BRINP3: variants seen among roughly 807,000 people sequenced by gnomAD.
BRINP3 encodes the protein BMP/retinoic acid inducible neural specific 3.
A neutral mutation model predicts 71.0 loss-of-function variants in BRINP3; 19 were observed. The observed-to-expected ratio is 0.27, with a 90% CI of 0.19 to 0.39. The LOEUF is 0.39. Among genes scored for constraint, BRINP3 ranks in the 10% least tolerant of loss-of-function variants. BRINP3 has a pLI of 1.00. For synonymous variants in BRINP3, 380 were observed against 337.7 expected, an observed-to-expected ratio of 1.13 and a Z score of -1.37; for missense variants, 959 against 940.8, an observed-to-expected ratio of 1.02 and a Z score of -0.25.
At chr1:190,381,977 T>C (rs908881776) in intron 2 of BRINP3, among the ~76,000 whole-genome samples, 3 of 152,172 alleles carry the variant, frequency 2.0e-5, no homozygotes, top group Admixed American at 1.3e-4. Flanking sequence ...AAATAATCAG[T>C]GGCCAAAAAC....
chr1:190,428,442 C>G (rs983672612), intron 2 of BRINP3, among the ~76,000 whole-genome samples: 31 of 151,738 alleles, frequency 2.0e-4, no homozygotes, highest in Admixed American at 2.0e-3. Context: ...CCCAAAAAAA[C>G]TCGTATTTTT....
At chr1:190,336,840 T>TTCCTTCCTTCCTTCCTTCCC (rs1558193060) in intron 2 of BRINP3, among the ~76,000 whole-genome samples, 4 of 112,562 alleles carry the variant, frequency 3.6e-5, no homozygotes, top group African/African-American at 6.7e-5. Flanking sequence ...CCCTCCCTCC[T>TTCCTTCCTTCCTTCCTTCCC]TCCTTCCTTC....
chr1:190,144,801 T>G (rs923748851), intron 7 of BRINP3, among the ~76,000 whole-genome samples: 1 of 152,102 alleles, frequency 6.6e-6, no homozygotes, highest in Non-Finnish European at 1.5e-5. Context: ...TACTATACTC[T>G]CCATGGGAAG....
rs116108572 is a variant in BRINP3 at position 190,349,975 on chromosome 1, T to A, written c.237-68225A>T. On this transcript the variant is annotated intron_variant, in intron 2 of 7. Coordinates refer to ENST00000367462, the MANE Select transcript of BRINP3 (RefSeq NM_199051.3). ...CTTGTTCTGCTGTGATATAGAGTAG[T>A]GTTAGGGTGCAGTCAAATAGTCTTT... Among the ~76,000 whole-genome samples the A allele has an allele frequency of 6.0e-3, 908 of 152,124 alleles. 16 individuals carry two copies. The highest frequency in any genetic ancestry group is 0.02 in the African/African-American group (846 of 41,502).
At chr1:190,170,163 A>G (rs934000122) in intron 6 of BRINP3, among the ~76,000 whole-genome samples, 2 of 152,150 alleles carry the variant, frequency 1.3e-5, no homozygotes, top group Non-Finnish European at 2.9e-5. Flanking sequence ...TCTCATAATA[A>G]CCATGAGGTA....
intron 2 of BRINP3, among the ~76,000 whole-genome samples, chr1:190,294,013 C>T (rs1234597305): frequency 6.6e-6 from 1 of 151,772 alleles, no homozygotes; most frequent in Non-Finnish European, 1.5e-5. Context: ...AACATTTAGT[C>T]TATTTATATT....
chr1:190,199,167 C>G (rs1032764767), intron 6 of BRINP3, among the ~76,000 whole-genome samples: 2 of 152,128 alleles, frequency 1.3e-5, no homozygotes. Context: ...GAGAACAGCA[C>G]AGGAAACACC....
At chr1:190,218,659 CT>C (rs988469241) in intron 6 of BRINP3, among the ~76,000 whole-genome samples, 4 of 151,940 alleles carry the variant, frequency 2.6e-5, no homozygotes, top group African/African-American at 9.7e-5. Flanking sequence ...ACATGCTATG[CT>C]ATAGATCTCA....
chr1:190,172,054 T>C (rs1336617096), intron 6 of BRINP3, among the ~76,000 whole-genome samples: 4 of 151,090 alleles, frequency 2.6e-5, no homozygotes, highest in African/African-American at 9.7e-5. Context: ...TGAGCTATGA[T>C]TGCACCACTG....
chr1:190,151,180 A>T (rs952928550), intron 7 of BRINP3, among the ~76,000 whole-genome samples: 1 of 152,106 alleles, frequency 6.6e-6, no homozygotes, highest in Non-Finnish European at 1.5e-5. Flanking sequence ...TGATGTTCAG[A>T]TTCCTATTTA....
At chr1:190,234,567 G>A (rs982208807) in intron 4 of BRINP3, 90 bp from the exon 5 acceptor site, 14 of 900,294 alleles carry the variant, frequency 1.6e-5, no homozygotes, top group African/African-American at 1.6e-5. Flanking sequence ...AATATTATAC[G>A]TTTGACAGTA....
At chr1:190,322,504 G>C (rs939368925) in intron 2 of BRINP3, among the ~76,000 whole-genome samples, 1 of 152,012 alleles carries the variant, frequency 6.6e-6, no homozygotes, top group Non-Finnish European at 1.5e-5. Flanking sequence ...TACACAGACA[G>C]ACCTGAAGAA....
At chr1:190,197,554 G>A (rs772666083) in intron 6 of BRINP3, among the ~76,000 whole-genome samples, 1 of 152,108 alleles carries the variant, frequency 6.6e-6, no homozygotes, top group Admixed American at 6.5e-5. Flanking sequence ...TGGCCAAAAC[G>A]AAGGGGCAAC....
intron 7 of BRINP3, among the ~76,000 whole-genome samples, chr1:190,158,951 C>G (rs815335): frequency 2.0e-5 from 3 of 151,584 alleles, no homozygotes; most frequent in African/African-American, 7.3e-5. Flanking sequence ...AATTAATTAT[C>G]TGTATATCAT....
intron 3 of BRINP3, among the ~76,000 whole-genome samples, chr1:190,275,275 G>A (rs1207071337): frequency 6.6e-6 from 1 of 151,492 alleles, no homozygotes; most frequent in Non-Finnish European, 1.5e-5. Flanking sequence ...GGTATGTATA[G>A]TTACAAACTC....
chr1:190,257,964 T>C (rs1660821060), intron 4 of BRINP3, among the ~76,000 whole-genome samples: 1 of 152,232 alleles, frequency 6.6e-6, no homozygotes, highest in African/African-American at 2.4e-5. Context: ...GGAGGCAATC[T>C]GTCCATTCTC....
At chr1:190,109,186 G>A (rs1652455320) in intron 7 of BRINP3, among the ~76,000 whole-genome samples, 1 of 151,920 alleles carries the variant, frequency 6.6e-6, no homozygotes, top group Non-Finnish European at 1.5e-5. Context: ...ATTCTTTGGA[G>A]GATAAAAAGA....
intron 2 of BRINP3, among the ~76,000 whole-genome samples, chr1:190,285,975 G>GT (rs1332756991): frequency 1.3e-5 from 2 of 152,078 alleles, no homozygotes; most frequent in Admixed American, 6.6e-5. Context: ...TTCACAGAAC[G>GT]TAACTATCTT....
intron 7 of BRINP3, among the ~76,000 whole-genome samples, chr1:190,157,650 A>G (rs1656986058): frequency 6.6e-6 from 1 of 152,092 alleles, no homozygotes; most frequent in African/African-American, 2.4e-5. Context: ...AAGGCTCATT[A>G]TAATCAAATA....
Sources: allele counts gnomAD v4.1 joint callset (sites outside exome capture counted in the v4.1 genomes callset), GRCh38; gene constraint gnomAD v4.1.1; transcripts MANE v1.5; gene names NCBI Gene and HGNC (gene_info 2026-07-23, HGNC 2026-07-21).